Variants in MAGI1 observed in about 807,000 individuals in gnomAD.
MAGI1 encodes the protein membrane-associated guanylate kinase, WW and PDZ domain-containing protein 1.
MAGI1 carries 58 observed loss-of-function variants against 139.9 expected under a neutral mutation model. That is an observed-to-expected ratio of 0.41 (90% CI 0.34 to 0.52). The LOEUF (loss-of-function observed/expected upper bound fraction) is 0.52, where lower values mean the gene tolerates loss of function less well. Among genes scored for constraint, MAGI1 ranks in the 20% least tolerant of loss-of-function variants. The pLI is 0.12. For synonymous variants in MAGI1, 812 were observed against 737.9 expected (o/e 1.10, Z -1.63); for missense variants, 1,874 against 1,901.6 (o/e 0.99, Z 0.27).
chr3:65,735,799 C>A (rs535073930), intron 1 of MAGI1, among the ~76,000 whole-genome samples: 2 of 152,296 alleles, frequency 1.3e-5, no homozygotes, highest in East Asian at 3.9e-4. Context: ...TGCCAATACA[C>A]ATATATTAAC....
At chr3:65,376,067 T>C in intron 17 of MAGI1, 122 bp from the exon 18 acceptor site, 1 of 721,590 alleles carries the variant, frequency 1.4e-6, no homozygotes, top group South Asian at 1.8e-5. Flanking sequence ...ATTAAGCAAA[T>C]GTTATTAAAG....
At chr3:65,640,715 C>T (rs1163327410) in intron 1 of MAGI1, among the ~76,000 whole-genome samples, 7 of 152,128 alleles carry the variant, frequency 4.6e-5, no homozygotes, top group Non-Finnish European at 8.8e-5. Flanking sequence ...ACTTCCTCTC[C>T]GAATATATTG....
chr3:65,523,352 A>G (rs1032138855), intron 2 of MAGI1, among the ~76,000 whole-genome samples: 8 of 152,010 alleles, frequency 5.3e-5, no homozygotes, highest in African/African-American at 1.9e-4. Context: ...GAGTCACTAT[A>G]AACACCATTT....
At position 65,708,594 on chromosome 3, in the gene MAGI1, G is replaced by C. The variant is rs1446645033; in HGVS notation, c.314-86506C>G. Among the ~76,000 whole-genome samples the C allele has an allele frequency of 1.6e-4, 25 of 152,018 alleles. 1 individual carries two copies. Among genetic ancestry groups the C allele is most frequent in the Non-Finnish European group, 2.9e-5 (2 of 68,028 alleles). ...CAGTCAGGTGGGCAAATCGGTCATT[G>C]GTGGTGGGGAGGAAAGAAAAAAGGA... On this transcript the variant is annotated intron_variant, in intron 1 of 22. Transcript: ENST00000402939.
intron 1 of MAGI1, among the ~76,000 whole-genome samples, chr3:65,747,339 G>T (rs1290870827): frequency 1.3e-5 from 2 of 152,118 alleles, no homozygotes; most frequent in African/African-American, 4.8e-5. Flanking sequence ...GAGGCTACAG[G>T]CCTGAAGGCA....
intron 2 of MAGI1, among the ~76,000 whole-genome samples, chr3:65,519,365 C>A (rs1024091971): frequency 3.5e-4 from 26 of 74,296 alleles, no homozygotes; most frequent in South Asian, 3.3e-3. Context: ...CACACACACA[C>A]ACACACACAC....
At chr3:65,914,380 T>A (rs2061801376) in intron 1 of MAGI1, among the ~76,000 whole-genome samples, 1 of 152,192 alleles carries the variant, frequency 6.6e-6, no homozygotes, top group African/African-American at 2.4e-5. Context: ...CAAACTGGGG[T>A]ACTTCCTGGT....
intron 1 of MAGI1, among the ~76,000 whole-genome samples, chr3:65,989,470 T>C (rs910781804): frequency 5.3e-5 from 8 of 152,208 alleles, no homozygotes; most frequent in Non-Finnish European, 1.0e-4. Flanking sequence ...CAAAGATTAG[T>C]ATAAACAGTA....
intron 1 of MAGI1, among the ~76,000 whole-genome samples, chr3:65,910,855 C>CTTGTTTTTTTTTTTTT (rs2061633549): frequency 1.7e-5 from 1 of 59,482 alleles, no homozygotes; most frequent in Admixed American, 3.1e-4. Context: ...ACATGGTGGA[C>CTTGTTTTTTTTTTTTT]TTTTTTTTTT....
At chr3:65,767,599 A>T (rs2037595965) in intron 1 of MAGI1, among the ~76,000 whole-genome samples, 1 of 152,188 alleles carries the variant, frequency 6.6e-6, no homozygotes, top group Non-Finnish European at 1.5e-5. Flanking sequence ...ACTTCCCCTA[A>T]ATGAAGCTCT....
At chr3:65,989,750 C>A (rs1483903655) in intron 1 of MAGI1, among the ~76,000 whole-genome samples, 4 of 152,104 alleles carry the variant, frequency 2.6e-5, no homozygotes, top group African/African-American at 9.7e-5. Context: ...ATTGGCCAGG[C>A]TGGTCTCGAA....
intron 3 of MAGI1, among the ~76,000 whole-genome samples, chr3:65,486,773 G>A (rs1397827602): frequency 6.6e-6 from 1 of 152,100 alleles, no homozygotes; most frequent in Admixed American, 6.6e-5. Context: ...CTACTCTGTT[G>A]GGAGTATAAT....
intron 1 of MAGI1, among the ~76,000 whole-genome samples, chr3:66,029,018 T>C (rs959797635): frequency 3.3e-5 from 5 of 152,190 alleles, no homozygotes; most frequent in East Asian, 3.9e-4. Context: ...TGTGGTTTAC[T>C]TTCTACTTTT....
chr3:65,683,704 CA>C (rs1312667147), intron 1 of MAGI1, among the ~76,000 whole-genome samples: 49 of 150,232 alleles, frequency 3.3e-4, no homozygotes, highest in African/African-American at 1.1e-3. Context: ...AAAAGATGCT[CA>C]ACATCATTCG....
intron 2 of MAGI1, among the ~76,000 whole-genome samples, chr3:65,548,260 C>T (rs1209858319): frequency 6.6e-6 from 1 of 152,140 alleles, no homozygotes; most frequent in Non-Finnish European, 1.5e-5. Context: ...TGAAATGAGG[C>T]TCTCACCACC....
intron 1 of MAGI1, among the ~76,000 whole-genome samples, chr3:66,017,843 C>A (rs561738548): frequency 2.0e-5 from 3 of 152,212 alleles, no homozygotes; most frequent in African/African-American, 7.2e-5. Flanking sequence ...GTCATCCCAA[C>A]TTTGAAAAGA....
At chr3:65,809,416 C>T (rs2041078888) in intron 1 of MAGI1, among the ~76,000 whole-genome samples, 1 of 152,128 alleles carries the variant, frequency 6.6e-6, no homozygotes, top group Non-Finnish European at 1.5e-5. Flanking sequence ...CCAACGTCAT[C>T]CATTTCAAGT....
chr3:65,728,773 TA>T (rs368081917), intron 1 of MAGI1, among the ~76,000 whole-genome samples: 144 of 151,286 alleles, frequency 9.5e-4, no homozygotes, highest in African/African-American at 3.4e-3. Context: ...ACACTTTTTT[TA>T]AAAAATCTTA....
In MAGI1 at chr3:65,700,122, T is replaced by C. The variant is rs1217374931; in HGVS notation, c.314-78034A>G. 4.6e-5 allele frequency among the ~76,000 whole-genome samples: 7 copies of C among 152,104 alleles called. No individual in the cohort carries two copies. In the East Asian group the frequency reaches 1.4e-3, roughly 29 times the overall value. ...TTGTACATTAAAAATATGACATTCC[T>C]TATAAGATGGTTGAGATAGCCTCTA... On this transcript the variant is annotated intron_variant, in intron 1 of 22. Coordinates refer to ENST00000402939, the MANE Select transcript of MAGI1 (RefSeq NM_001033057.2).
Sources: allele counts gnomAD v4.1 joint callset (sites outside exome capture counted in the v4.1 genomes callset), GRCh38; gene constraint gnomAD v4.1.1; transcripts MANE v1.5; gene names NCBI Gene and HGNC (gene_info 2026-07-23, HGNC 2026-07-21).